The following TNFSF4 variants were observed in gnomAD, a reference collection of about 807,000 sequenced individuals.
The protein encoded by TNFSF4 is tumor necrosis factor ligand superfamily member 4.
In TNFSF4, 4 loss-of-function variants were observed where a neutral mutation model predicts 7.3. That is an observed-to-expected ratio of 0.55 (90% confidence interval 0.27 to 1.25). TNFSF4 has a LOEUF of 1.25. Ranked by LOEUF, TNFSF4 falls within the 50% of genes most tolerant of loss-of-function variation. The probability of loss-of-function intolerance (pLI) is 0.12; values close to 1 mark genes in which losing one functional copy is unlikely to be tolerated. For missense variants in TNFSF4, 181 were observed against 208.8 expected (o/e 0.87, Z 0.82); for synonymous variants, 76 against 83.7 (o/e 0.91, Z 0.50).
At chr1:173,424,772 A>C in the TNFSF4 span, among the ~76,000 whole-genome samples, 1 of 152,248 alleles carries the variant, frequency 6.6e-6, no homozygotes, top group African/African-American at 2.4e-5. Context: ...CAGGTCATAC[A>C]GTGGAAAGAA....
the TNFSF4 span, among the ~76,000 whole-genome samples, chr1:173,325,798 CT>C: frequency 2.0e-5 from 3 of 152,142 alleles, no homozygotes; most frequent in Non-Finnish European, 4.4e-5. Flanking sequence ...CACATACACC[CT>C]CCCAAGACTA....
chr1:173,300,390 T>G, the TNFSF4 span, among the ~76,000 whole-genome samples: 1 of 151,842 alleles, frequency 6.6e-6, no homozygotes, highest in African/African-American at 2.4e-5. Context: ...AGATAGTATC[T>G]GCCACTTGGA....
the TNFSF4 span, among the ~76,000 whole-genome samples, chr1:173,445,374 AT>A: frequency 6.6e-6 from 1 of 152,218 alleles, no homozygotes; most frequent in Non-Finnish European, 1.5e-5. Context: ...CAGACAGCTA[AT>A]ACTTTCAGAT....
At chr1:173,236,844 AG>A in the TNFSF4 span, among the ~76,000 whole-genome samples, 1 of 152,248 alleles carries the variant, frequency 6.6e-6, no homozygotes, top group African/African-American at 2.4e-5. Context: ...TGGGAAGGGT[AG>A]GAGGAAAAGG....
At chr1:173,206,430 G>T (rs568631677) in intron 1 of TNFSF4, among the ~76,000 whole-genome samples, 1 of 152,156 alleles carries the variant, frequency 6.6e-6, no homozygotes, top group African/African-American at 2.4e-5. Flanking sequence ...AAGGTGAAAT[G>T]ATGTCTTTAA....
chr1:173,309,030 G>A, the TNFSF4 span, among the ~76,000 whole-genome samples: 51,008 of 151,830 alleles, frequency 0.34, 8,906 homozygotes, highest in African/African-American at 0.39. Context: ...TCAATGGAGA[G>A]ATATCAATGT....
the TNFSF4 span, among the ~76,000 whole-genome samples, chr1:173,312,602 A>G: frequency 6.6e-6 from 1 of 152,090 alleles, no homozygotes; most frequent in South Asian, 2.1e-4. Flanking sequence ...AGCCAAATAG[A>G]TTTCCTAAAA....
At chr1:173,313,243 T>C in the TNFSF4 span, among the ~76,000 whole-genome samples, 1 of 152,098 alleles carries the variant, frequency 6.6e-6, no homozygotes, top group Non-Finnish European at 1.5e-5. Flanking sequence ...TGATTTATCA[T>C]TTGCCATCCA....
the TNFSF4 span, chr1:173,362,962 GTTTTGAC>G: frequency 0.09 from 33,708 of 376,412 alleles, 1,894 homozygotes; most frequent in East Asian, 0.26. Flanking sequence ...TTTTCTTGTG[GTTTTGAC>G]TTTTTTTAAA....
the TNFSF4 span, among the ~76,000 whole-genome samples, chr1:173,320,282 TC>T: frequency 6.6e-6 from 1 of 152,160 alleles, no homozygotes; most frequent in African/African-American, 2.4e-5. Flanking sequence ...AAATTCAACA[TC>T]CCTTCATGCT....
chr1:173,181,586 C>A (rs1321149834), downstream of TNFSF4, among the ~76,000 whole-genome samples: 3 of 152,126 alleles, frequency 2.0e-5, no homozygotes, highest in African/African-American at 7.2e-5. Flanking sequence ...TTCTCAAGGG[C>A]TCTGGCATAA....
At chr1:173,335,065 T>C in the TNFSF4 span, among the ~76,000 whole-genome samples, 1 of 152,116 alleles carries the variant, frequency 6.6e-6, no homozygotes. Flanking sequence ...TTATTGATAC[T>C]AGCTCACTAA....
At chr1:173,447,329 T>G in the TNFSF4 span, among the ~76,000 whole-genome samples, 1 of 152,172 alleles carries the variant, frequency 6.6e-6, no homozygotes, top group Non-Finnish European at 1.5e-5. Context: ...ATTATAGATT[T>G]GTTCAAACCC....
At chr1:173,352,915 A>T in the TNFSF4 span, among the ~76,000 whole-genome samples, 1 of 152,176 alleles carries the variant, frequency 6.6e-6, no homozygotes, top group Non-Finnish European at 1.5e-5. Flanking sequence ...GCTGTTAATT[A>T]TTAATATTCC....
the TNFSF4 span, among the ~76,000 whole-genome samples, chr1:173,358,071 G>A: frequency 6.6e-6 from 1 of 152,204 alleles, no homozygotes; most frequent in Admixed American, 6.5e-5. Context: ...GGATTAGCCA[G>A]GTGGACCCAA....
At chr1:173,199,199 C>T (rs1649839150) in intron 1 of TNFSF4, among the ~76,000 whole-genome samples, 1 of 152,148 alleles carries the variant, frequency 6.6e-6, no homozygotes, top group Non-Finnish European at 1.5e-5. Context: ...TTTCACTCAC[C>T]TTTGTGTCCT....
the TNFSF4 span, among the ~76,000 whole-genome samples, chr1:173,289,653 T>C: frequency 6.6e-6 from 1 of 152,096 alleles, no homozygotes; most frequent in Non-Finnish European, 1.5e-5. Flanking sequence ...CTCAAGTGTG[T>C]AAATGAACAC....
chr1:173,201,147 C>A (rs1649926000), intron 1 of TNFSF4, among the ~76,000 whole-genome samples: 1 of 152,134 alleles, frequency 6.6e-6, no homozygotes, highest in Non-Finnish European at 1.5e-5. Context: ...ACGGAAATAG[C>A]CTAAGCCATG....
At chr1:173,361,761 A>C in the TNFSF4 span, among the ~76,000 whole-genome samples, 1 of 152,202 alleles carries the variant, frequency 6.6e-6, no homozygotes, top group Admixed American at 6.5e-5. Context: ...ACTGTTGTGA[A>C]TTTGATCAAG....
Sources: gnomAD v4.1 joint callset for allele counts (sites outside exome capture counted in the v4.1 genomes callset) on GRCh38, gnomAD v4.1.1 for gene constraint, MANE v1.5 for transcripts, NCBI Gene and HGNC (gene_info 2026-07-23, HGNC 2026-07-21) for gene names.